The following UBE2E3 variants were observed in gnomAD, a reference collection of about 807,000 sequenced individuals.
UBE2E3 encodes ubiquitin conjugating enzyme E2 E3, also known as ubiquitin-conjugating enzyme E2 E3.
In UBE2E3, 5 loss-of-function variants were observed where a neutral mutation model predicts 23.6. The observed-to-expected ratio is 0.21, with a 90% CI of 0.11 to 0.44. The LOEUF (loss-of-function observed/expected upper bound fraction) is 0.44, where lower values mean the gene tolerates loss of function less well. Among genes scored for constraint, UBE2E3 ranks in the 20% least tolerant of loss-of-function variants. The probability of loss-of-function intolerance (pLI) is 0.99; values close to 1 mark genes in which losing one functional copy is unlikely to be tolerated. For missense variants in UBE2E3, 81 were observed against 249.8 expected, an observed-to-expected ratio of 0.32 and a Z score of 4.55; for synonymous variants, 78 against 87.5, an observed-to-expected ratio of 0.89 and a Z score of 0.60.
At chr2:181,015,728 A>C (rs1685465772) in intron 3 of UBE2E3, among the ~76,000 whole-genome samples, 1 of 152,206 alleles carries the variant, frequency 6.6e-6, no homozygotes, top group Admixed American at 6.5e-5. Flanking sequence ...AAATTCCATC[A>C]AAGGTGAATG....
At chr2:181,009,938 T>G (rs939214154) in intron 3 of UBE2E3, among the ~76,000 whole-genome samples, 4 of 152,188 alleles carry the variant, frequency 2.6e-5, no homozygotes, top group African/African-American at 9.6e-5. Flanking sequence ...TTTAATACTT[T>G]TTTTACTCTT....
intron 3 of UBE2E3, among the ~76,000 whole-genome samples, chr2:181,009,495 G>A (rs946130710): frequency 6.6e-6 from 1 of 151,884 alleles, no homozygotes; most frequent in African/African-American, 2.4e-5. Context: ...CCATAATGGT[G>A]TAATAATTGG....
chr2:181,062,739 C>T (rs1687196524), intron 5 of UBE2E3, 52 bp from the exon 6 acceptor site: 6 of 1,084,358 alleles, frequency 5.5e-6, no homozygotes, highest in Non-Finnish European at 8.3e-6. Flanking sequence ...TAGAACTATA[C>T]CTTGAAGAAG....
chr2:181,000,953 T>G (rs976388648), intron 3 of UBE2E3, among the ~76,000 whole-genome samples: 1 of 152,238 alleles, frequency 6.6e-6, no homozygotes, highest in Non-Finnish European at 1.5e-5. Context: ...TTTAAAATAT[T>G]TGCATCAACA....
intron 3 of UBE2E3, among the ~76,000 whole-genome samples, chr2:181,007,031 A>T (rs369503431): frequency 1.2e-3 from 186 of 152,326 alleles, no homozygotes; most frequent in African/African-American, 4.3e-3. Flanking sequence ...TGAGCAGGTA[A>T]TATTTTGAAC....
chr2:181,039,591 C>T (rs1168457476), intron 3 of UBE2E3, among the ~76,000 whole-genome samples: 1 of 151,878 alleles, frequency 6.6e-6, no homozygotes. Context: ...AGCAACATGG[C>T]GAGACTCCCA....
At position 180,986,577 on chromosome 2, in the gene UBE2E3, G is replaced by A. The variant is rs373803175; in HGVS notation, c.245+2484G>A. 3.3e-5 allele frequency among the ~76,000 whole-genome samples: 5 copies of A among 152,024 alleles called. No individual in the cohort carries two copies. The East Asian group carries it at 7.7e-4, about 23-fold the overall frequency. On this transcript the variant is annotated intron_variant, in intron 3 of 5. Transcript: ENST00000410062. Reference sequence around the variant, plus strand: ...TGAGAATTTTAGCTTTACGGTGATTGTACAGTTTAAATTTATTAATTTATG... The same window carrying A: ...TGAGAATTTTAGCTTTACGGTGATTATACAGTTTAAATTTATTAATTTATG...
At chr2:181,035,910 T>A (rs184692610) in intron 3 of UBE2E3, among the ~76,000 whole-genome samples, 34 of 150,084 alleles carry the variant, frequency 2.3e-4, no homozygotes, top group Non-Finnish European at 4.0e-4. Context: ...AATTTAAGAT[T>A]TATTTTGTTT....
chr2:181,023,479 A>T (rs995365403), intron 3 of UBE2E3, among the ~76,000 whole-genome samples: 6 of 152,174 alleles, frequency 3.9e-5, no homozygotes, highest in Non-Finnish European at 8.8e-5. Flanking sequence ...TTCATTTGAT[A>T]ATAAGGAGTT....
In UBE2E3 at chr2:180,982,156, A is replaced by G; in HGVS notation, c.114A>G (p.Arg38=). The G allele has an allele frequency of 1.2e-6, 2 of 1,613,552 alleles. No individual in the cohort carries two copies. Among genetic ancestry groups the G allele is most frequent in the South Asian group, 2.2e-5 (2 of 91,030 alleles). ...CAGAGCCTGAAGAACAAGAGGAAAG[A>G]AAACCTTCTGCCACCCAGCAGAAGA... The part of the protein sequence containing the change: ...AAPEPEEQEE[R]KPSATQQKKN... The change falls in exon 2 of 6, where the codon AGA becomes AGG. Residue 38 remains arginine, a synonymous_variant. Coordinates refer to ENST00000410062, the MANE Select transcript of UBE2E3 (RefSeq NM_006357.4).
At chr2:180,980,587 C>T (rs867511382), upstream of UBE2E3, 1 of 148,248 alleles carries the variant, frequency 6.7e-6, no homozygotes, top group South Asian at 2.1e-4. The surrounding 1 kb of genome is among the most constrained non-coding windows in gnomAD (Gnocchi z 5.5). Flanking sequence ...GCCCGCCCCT[C>T]CCCCCCGCGC....
intron 3 of UBE2E3, among the ~76,000 whole-genome samples, chr2:181,025,661 A>C (rs1442533448): frequency 2.0e-5 from 3 of 151,918 alleles, no homozygotes; most frequent in African/African-American, 4.8e-5. Context: ...GCCATTATTA[A>C]TTTTGTATTT....
chr2:181,048,795 A>G (rs1345922384), intron 3 of UBE2E3, among the ~76,000 whole-genome samples: 1 of 152,140 alleles, frequency 6.6e-6, no homozygotes, highest in African/African-American at 2.4e-5. Flanking sequence ...GGAAAGCAAT[A>G]TAGAGGTTTG....
At chr2:181,005,799 C>A (rs1685132365) in intron 3 of UBE2E3, among the ~76,000 whole-genome samples, 2 of 152,048 alleles carry the variant, frequency 1.3e-5, no homozygotes, top group Non-Finnish European at 2.9e-5. Flanking sequence ...TCTGAAGTTA[C>A]CTTTGTTTGA....
intron 4 of UBE2E3, among the ~76,000 whole-genome samples, chr2:181,058,869 C>T (rs960652657): frequency 7.3e-5 from 11 of 151,696 alleles, no homozygotes; most frequent in Admixed American, 7.2e-4. Context: ...TCAATTACAG[C>T]TGTTAGTGTT....
chr2:180,993,686 T>C (rs1268363848), intron 3 of UBE2E3, among the ~76,000 whole-genome samples: 4 of 152,220 alleles, frequency 2.6e-5, no homozygotes, highest in Admixed American at 6.5e-5. Context: ...TACAGTCTTA[T>C]AGGTCCTTTA....
chr2:181,023,977 A>G (rs1685792033), intron 3 of UBE2E3, among the ~76,000 whole-genome samples: 1 of 152,210 alleles, frequency 6.6e-6, no homozygotes, highest in Middle Eastern at 3.4e-3. Flanking sequence ...TGATAAAGCA[A>G]TGGGAATACC....
At chr2:180,996,889 T>A (rs1684837259) in intron 3 of UBE2E3, among the ~76,000 whole-genome samples, 1 of 152,218 alleles carries the variant, frequency 6.6e-6, no homozygotes, top group Admixed American at 6.5e-5. Flanking sequence ...TTTCTTCCTC[T>A]AGCCCTTTAG....
intron 3 of UBE2E3, among the ~76,000 whole-genome samples, chr2:181,028,145 T>C (rs1685956302): frequency 6.6e-6 from 1 of 152,112 alleles, no homozygotes; most frequent in African/African-American, 2.4e-5. Flanking sequence ...CACTATACAT[T>C]ACATAATGTA....
Sources: gnomAD v4.1 joint callset for allele counts (sites outside exome capture counted in the v4.1 genomes callset) on GRCh38, gnomAD v4.1.1 for gene constraint, Gnocchi (gnomAD v3.1) non-coding constraint, MANE v1.5 for transcripts, NCBI Gene and HGNC (gene_info 2026-07-23, HGNC 2026-07-21) for gene names.